Variants in SDCCAG8 observed in about 807,000 individuals in gnomAD.
SDCCAG8 encodes SHH signaling and ciliogenesis regulator SDCCAG8, also known as serologically defined colon cancer antigen 8.
SDCCAG8 carries 74 observed loss-of-function variants against 101.8 expected under a neutral mutation model. That is an observed-to-expected ratio of 0.73 (90% confidence interval 0.60 to 0.88). SDCCAG8 has a LOEUF of 0.88. SDCCAG8 is among the 40% of genes least tolerant of loss of function. SDCCAG8 has a pLI of 0.00. For synonymous variants in SDCCAG8, 281 were observed against 292.9 expected (o/e 0.96, Z 0.41); for missense variants, 787 against 822.6 (o/e 0.96, Z 0.53).
chr1:243,431,863 A>G (rs1304383694), intron 16 of SDCCAG8, among the ~76,000 whole-genome samples: 1 of 152,180 alleles, frequency 6.6e-6, no homozygotes, highest in Non-Finnish European at 1.5e-5. Flanking sequence ...ACAGTTTTAC[A>G]GGAGTTTTTT....
At chr1:243,477,104 G>T (rs1218657548) in intron 16 of SDCCAG8, among the ~76,000 whole-genome samples, 2 of 152,086 alleles carry the variant, frequency 1.3e-5, no homozygotes, top group Non-Finnish European at 2.9e-5. Flanking sequence ...TTTGAATAAA[G>T]GGTATGTTGG....
At chr1:243,483,286 G>C (rs1664129830) in intron 16 of SDCCAG8, among the ~76,000 whole-genome samples, 1 of 151,988 alleles carries the variant, frequency 6.6e-6, no homozygotes. Context: ...CGGCGCCCTC[G>C]TCCCCGCAGC....
chr1:243,346,496 G>A (rs1365696876), intron 12 of SDCCAG8, among the ~76,000 whole-genome samples: 1 of 152,084 alleles, frequency 6.6e-6, no homozygotes, highest in East Asian at 1.9e-4. Flanking sequence ...AAAGTGGGTG[G>A]GAAACTGTGA....
chr1:243,287,176 G>A (rs2069705620), intron 5 of SDCCAG8, among the ~76,000 whole-genome samples: 1 of 152,198 alleles, frequency 6.6e-6, no homozygotes, highest in African/African-American at 2.4e-5. Flanking sequence ...TGACTTATCA[G>A]AGTACTTTTG....
intron 13 of SDCCAG8, among the ~76,000 whole-genome samples, chr1:243,397,780 C>A (rs1019863138): frequency 2.6e-5 from 4 of 152,220 alleles, no homozygotes; most frequent in African/African-American, 4.8e-5. Flanking sequence ...TGCCTTTGGG[C>A]AGACACCTGC....
At chr1:243,378,061 A>G (rs986877284) in intron 12 of SDCCAG8, among the ~76,000 whole-genome samples, 6 of 151,910 alleles carry the variant, frequency 3.9e-5, no homozygotes, top group South Asian at 2.1e-4. Context: ...TAAATTTTAT[A>G]TATTCATATT....
At chr1:243,355,913 ATTC>A (rs1015930064) in intron 12 of SDCCAG8, among the ~76,000 whole-genome samples, 15 of 152,152 alleles carry the variant, frequency 9.9e-5, no homozygotes, top group Non-Finnish European at 2.1e-4. Context: ...CCTGGTGTGG[ATTC>A]TTCTTTAGCT....
At chr1:243,422,954 TA>T in intron 15 of SDCCAG8, among the ~76,000 whole-genome samples, 1 of 152,312 alleles carries the variant, frequency 6.6e-6, no homozygotes, top group South Asian at 2.1e-4. Context: ...TGACACAGGA[TA>T]ATCATGCCAG....
chr1:243,438,069 T>C (rs923813549), intron 16 of SDCCAG8, among the ~76,000 whole-genome samples: 1 of 152,024 alleles, frequency 6.6e-6, no homozygotes, highest in African/African-American at 2.4e-5. Context: ...TATGAAAAAA[T>C]AGTCTAGTCA....
intron 13 of SDCCAG8, among the ~76,000 whole-genome samples, chr1:243,405,653 A>G (rs2079727090): frequency 6.6e-6 from 1 of 152,200 alleles, no homozygotes; most frequent in Non-Finnish European, 1.5e-5. Context: ...AGACATAATT[A>G]ACACATTTTA....
chr1:243,481,685 C>G (rs918136281), intron 16 of SDCCAG8, among the ~76,000 whole-genome samples: 1 of 152,298 alleles, frequency 6.6e-6, no homozygotes, highest in Non-Finnish European at 1.5e-5. Flanking sequence ...GAACACTTAT[C>G]TAAGAGGAAG....
At chr1:243,438,030 TC>T (rs958713697) in intron 16 of SDCCAG8, among the ~76,000 whole-genome samples, 10 of 151,982 alleles carry the variant, frequency 6.6e-5, no homozygotes, top group African/African-American at 2.2e-4. Context: ...TTCTTGCCCC[TC>T]CCCCGGGAGC....
intron 1 of SDCCAG8, among the ~76,000 whole-genome samples, chr1:243,257,606 T>C (rs925281025): frequency 2.0e-5 from 3 of 152,224 alleles, no homozygotes; most frequent in African/African-American, 7.2e-5. Flanking sequence ...TTTTTCAATA[T>C]TAGAAAGTTT....
chr1:243,458,453 G>A lies in SDCCAG8; in HGVS notation c.1986-30561G>A, dbSNP rs1229352709. On this transcript the variant is annotated intron_variant, in intron 16 of 17. Coordinates refer to ENST00000366541, the MANE Select transcript of SDCCAG8 (RefSeq NM_006642.5). This position sits in a 1 kb window ranked among gnomAD's most constrained non-coding sequence, Gnocchi z 4.5. ...CATTGTAATTCTCATCACTGTAGTA[G>A]CAGCAGCTAACTTTAGAGCGTGCTT... 2.6e-5 allele frequency among the ~76,000 whole-genome samples: 4 copies of A among 152,000 alleles called. No homozygotes were observed. The highest frequency in any genetic ancestry group is 9.7e-5 in the African/African-American group (4 of 41,400).
chr1:243,256,051 C>G lies in SDCCAG8; in HGVS notation c.-123C>G. Reference sequence around the variant, plus strand: ...AGAGCTCTGTGCGGGATTCTAGGCTCCCCTGTGACAGCCGCGGCAGGAAGC... The same window carrying G: ...AGAGCTCTGTGCGGGATTCTAGGCTGCCCTGTGACAGCCGCGGCAGGAAGC... On this transcript the variant is annotated 5_prime_UTR_variant, in exon 1 of 18. Transcript: ENST00000366541. 1.1e-6 allele frequency: 1 copy of G among 890,858 alleles called. No homozygotes were observed. Among genetic ancestry groups the G allele is most frequent in the South Asian group, 1.3e-5 (1 of 76,494 alleles). 55.2% of individuals were successfully genotyped at this position (890,858 alleles called of 1,614,324 possible). A position where few individuals can be genotyped will look rare whatever the true frequency, so the allele number is the denominator to read the frequency against.
intron 12 of SDCCAG8, among the ~76,000 whole-genome samples, chr1:243,365,765 T>G (rs1238526272): frequency 6.6e-6 from 1 of 152,150 alleles, no homozygotes; most frequent in Admixed American, 6.5e-5. Context: ...AAATTGTGAC[T>G]TTTGTAGTTG....
rs1298399416 is a variant in SDCCAG8, at chr1:243,474,505, G to A, written c.1986-14509G>A. On this transcript the variant is annotated intron_variant, in intron 16 of 17. Coordinates refer to ENST00000366541, the MANE Select transcript of SDCCAG8 (RefSeq NM_006642.5). This position sits in a 1 kb window ranked among gnomAD's most constrained non-coding sequence, Gnocchi z 4.7. ...AAGCAGCCGCCGGGAGGTCTGGGTG[G>A]GCAGGGAGGCCGAGAGGACGGTGCA... is the stretch of plus-strand genomic sequence containing the variant. Among the ~76,000 whole-genome samples the A allele has an allele frequency of 6.6e-6, 1 of 152,210 alleles. No homozygotes were observed. Among genetic ancestry groups the A allele is most frequent in the Non-Finnish European group, 1.5e-5 (1 of 68,022 alleles).
At chr1:243,376,648 A>G (rs2077614475) in intron 12 of SDCCAG8, among the ~76,000 whole-genome samples, 2 of 152,082 alleles carry the variant, frequency 1.3e-5, no homozygotes, top group South Asian at 4.2e-4. Flanking sequence ...TCTCAATTCA[A>G]AATTCCGGAG....
At chr1:243,392,632 T>C (rs996521434) in intron 13 of SDCCAG8, among the ~76,000 whole-genome samples, 6 of 152,228 alleles carry the variant, frequency 3.9e-5, no homozygotes, top group African/African-American at 1.4e-4. Context: ...AGATCAGAAC[T>C]GTGGAGGAAC....
Sources: gnomAD v4.1 joint callset for allele counts (sites outside exome capture counted in the v4.1 genomes callset) on GRCh38, gnomAD v4.1.1 for gene constraint, Gnocchi (gnomAD v3.1) non-coding constraint, MANE v1.5 for transcripts, NCBI Gene and HGNC (gene_info 2026-07-23, HGNC 2026-07-21) for gene names.